Variants in NFIX observed in about 807,000 individuals in gnomAD.
The protein encoded by NFIX is nuclear factor 1 X-type.
Under a neutral mutation model 53.3 loss-of-function variants are expected in NFIX, and 2 were observed. The ratio of observed to expected loss-of-function variants is 0.04; its 90% CI spans 0.02 to 0.12. The LOEUF is 0.12. Ranked by LOEUF, NFIX falls within the 10% of genes least tolerant of loss-of-function variation. The pLI, the probability that NFIX is intolerant of heterozygous loss-of-function variation, is 1.00. For synonymous variants in NFIX, 244 were observed against 289.0 expected, an observed-to-expected ratio of 0.84 and a Z score of 1.58; for missense variants, 310 against 674.5, an observed-to-expected ratio of 0.46 and a Z score of 5.99.
At chr19:13,024,124 A>C in intron 1 of NFIX, 5 of 896,740 alleles carry the variant, frequency 5.6e-6, no homozygotes, top group South Asian at 1.6e-5. Flanking sequence ...AAAAAAAAAA[A>C]AAAAAACCAA....
Position 13,068,110 on chromosome 19 carries a change from AAAAAC to A in NFIX, c.560-4932_560-4928del, listed in dbSNP as rs1469905603. Among the ~76,000 whole-genome samples the A allele has an allele frequency of 2.0e-5, 3 of 151,936 alleles. No individual in the cohort carries two copies. Among genetic ancestry groups the A allele is most frequent in the Admixed American group, 6.5e-5 (1 of 15,268 alleles). On this transcript the variant is annotated intron_variant, in intron 2 of 10. Transcript: ENST00000592199. This position sits in a 1 kb window ranked among gnomAD's most constrained non-coding sequence, Gnocchi z 4.2. Reference sequence around the variant, plus strand: ...ACAGAGCAAGACTCCATCTCAAAAAAAAAACAAAAACAAAAACAAAAAACAAAAAC... The same window carrying A: ...ACAGAGCAAGACTCCATCTCAAAAAAAAAAACAAAAACAAAAAACAAAAAC...
intron 10 of NFIX, among the ~76,000 whole-genome samples, chr19:13,091,258 C>T (rs1293895993): frequency 6.6e-6 from 1 of 152,150 alleles, no homozygotes; most frequent in Non-Finnish European, 1.5e-5. Context: ...GGGAAATCCA[C>T]CTCTCTCAAG....
chr19:13,068,485 TCCAGAGG>T lies in NFIX; in HGVS notation c.560-4561_560-4555del, dbSNP rs2016567802. Reference sequence around the variant, plus strand: ...TTTTGCAGGAGAACTTTGTGGCTGTTCCAGAGGTTACTGAGGGGCCCCCAAGGAAGAG... The same window carrying T: ...TTTTGCAGGAGAACTTTGTGGCTGTTTTACTGAGGGGCCCCCAAGGAAGAG... On this transcript the variant is annotated intron_variant, in intron 2 of 10. Transcript: ENST00000592199. This position sits in a 1 kb window ranked among gnomAD's most constrained non-coding sequence, Gnocchi z 4.2. Among the ~76,000 whole-genome samples, 1 of 152,146 alleles carries T rather than the reference TCCAGAGG, an allele frequency of 6.6e-6. No individual in the cohort carries two copies. The highest frequency in any genetic ancestry group is 6.5e-5 in the Admixed American group (1 of 15,282).
At chr19:13,048,390 C>G (rs1312204149) in intron 2 of NFIX, among the ~76,000 whole-genome samples, 1 of 152,186 alleles carries the variant, frequency 6.6e-6, no homozygotes, top group Non-Finnish European at 1.5e-5. Context: ...CCCTCACAAC[C>G]AGACTAACCA....
chr19:13,063,731 C>T (rs779902639), intron 2 of NFIX, among the ~76,000 whole-genome samples: 4 of 152,166 alleles, frequency 2.6e-5, no homozygotes, highest in East Asian at 1.9e-4. Context: ...TCTCGCATCC[C>T]TCCTCCAAAC....
chr19:13,070,599 CAG>C lies in NFIX; in HGVS notation c.560-2447_560-2446del, dbSNP rs371474167. The C allele has an allele frequency of 3.3e-5, 5 of 152,568 alleles. No individual in the cohort carries two copies. The South Asian group carries it at 6.2e-4, about 19-fold the overall frequency. 9.5% of individuals were successfully genotyped at this position (152,568 alleles called of 1,614,324 possible). Reference sequence around the variant, plus strand: ...TGTCCTGGAGCTGAGCTGAGCATGTCAGGGGCCGGCGGTCGCGGCATTGTGGG... The same window carrying C: ...TGTCCTGGAGCTGAGCTGAGCATGTCGGGCCGGCGGTCGCGGCATTGTGGG... On this transcript the variant is annotated intron_variant, in intron 2 of 10. Transcript: ENST00000592199.
At position 12,996,607 on chromosome 19, in the gene NFIX, A is replaced by G. The variant is rs1791612256; in HGVS notation, c.27+743A>G. On this transcript the variant is annotated intron_variant, in intron 1 of 10. Transcript: ENST00000592199. The surrounding 1 kb of genome is among the most constrained non-coding windows in gnomAD (Gnocchi z 5.2). Reference sequence around the variant, plus strand: ...CGCAGCCTCTGCCCCCCCACCCCCAAACTTTCCTCGGCGCAAACTTTCTGG... The same window carrying G: ...CGCAGCCTCTGCCCCCCCACCCCCAGACTTTCCTCGGCGCAAACTTTCTGG... 1.3e-5 allele frequency among the ~76,000 whole-genome samples: 2 copies of G among 152,058 alleles called. No homozygotes were observed. The highest frequency in any genetic ancestry group is 4.8e-5 in the African/African-American group (2 of 41,432).
In NFIX at chr19:13,090,372, C is replaced by T. The variant is rs762074691; in HGVS notation, c.1476C>T (p.Asn492=). ...SIGPRDGNFL[N]IPQQSQSWFL ...GACCCCGGGACGGCAACTTTCTGAA[C>T]ATCCCACAGCAGTCTCAGGTAGGAG... Residue 492 remains asparagine (N), a synonymous_variant, in exon 10 of 11, where the codon AAC becomes AAT. Transcript: ENST00000592199. The surrounding 1 kb of genome is among the most constrained non-coding windows in gnomAD (Gnocchi z 6.6). 8 of 1,613,922 alleles carry T rather than the reference C, an allele frequency of 5.0e-6. No homozygotes were observed. Among genetic ancestry groups the T allele is most frequent in the Non-Finnish European group, 8.5e-7 (1 of 1,179,866 alleles).
At position 13,066,572 on chromosome 19, in the gene NFIX, G is replaced by A. The variant is rs924258619; in HGVS notation, c.560-6475G>A. 3.9e-5 allele frequency among the ~76,000 whole-genome samples: 6 copies of A among 152,162 alleles called. No individual in the cohort carries two copies. Among genetic ancestry groups the A allele is most frequent in the Admixed American group, 3.3e-4 (5 of 15,274 alleles). On this transcript the variant is annotated intron_variant, in intron 2 of 10. Transcript: ENST00000592199. This position sits in a 1 kb window ranked among gnomAD's most constrained non-coding sequence, Gnocchi z 4.2. ...AGGGAATGAGGAAAGGGGAGAGGAC[G>A]ATAATGGGGTGACATGTTCCCCTGT...
chr19:13,015,384 C>T (rs1317865217), intron 1 of NFIX, among the ~76,000 whole-genome samples: 2 of 152,116 alleles, frequency 1.3e-5, no homozygotes, highest in Non-Finnish European at 2.9e-5. Flanking sequence ...TGCCTCCCTT[C>T]CTGAGGCAGC....
Position 13,037,551 on chromosome 19 carries a change from G to T in NFIX, c.559+11999G>T, listed in dbSNP as rs143225572. On this transcript the variant is annotated intron_variant, in intron 2 of 10. Coordinates refer to ENST00000592199, the MANE Select transcript of NFIX (RefSeq NM_001365902.3). This position sits in a 1 kb window ranked among gnomAD's most constrained non-coding sequence, Gnocchi z 4.2. ...TATGGGAGATTGCTTCATATAGGGT[G>T]GGGAAGAACTAGTCTTCATAGCCCT... 2.6e-5 allele frequency among the ~76,000 whole-genome samples: 4 copies of T among 152,134 alleles called. No homozygotes were observed. The highest frequency in any genetic ancestry group is 1.3e-4 in the Admixed American group (2 of 15,276).
intron 1 of NFIX, among the ~76,000 whole-genome samples, chr19:13,004,165 A>C (rs902807915): frequency 6.6e-6 from 1 of 151,938 alleles, no homozygotes; most frequent in Non-Finnish European, 1.5e-5. Context: ...GAACCCCTCA[A>C]CCCTCGCCGA....
rs542523157 is a variant in NFIX, at chr19:13,079,222, G to T, written c.1078+487G>T. ...CTCCTAAGGAGCCCAGGCTCCTGCG[G>T]CAAGTAGCTACCTTGTCTGGGCCTC... On this transcript the variant is annotated intron_variant, in intron 7 of 10. Coordinates refer to ENST00000592199, the MANE Select transcript of NFIX (RefSeq NM_001365902.3). Among the ~76,000 whole-genome samples the T allele has an allele frequency of 1.6e-3, 250 of 152,200 alleles. 1 individual carries two copies. The highest frequency in any genetic ancestry group is 3.2e-3 in the Admixed American group (49 of 15,298).
intron 1 of NFIX, among the ~76,000 whole-genome samples, chr19:12,999,982 G>A (rs924647346): frequency 3.3e-5 from 5 of 152,236 alleles, no homozygotes; most frequent in Non-Finnish European, 5.9e-5. Context: ...CTGGGGCTCC[G>A]TGAGATGTTT....
Position 13,028,975 on chromosome 19 carries a change from C to T in NFIX, c.559+3423C>T, listed in dbSNP as rs995995859. On this transcript the variant is annotated intron_variant, in intron 2 of 10. Coordinates refer to ENST00000592199, the MANE Select transcript of NFIX (RefSeq NM_001365902.3). This position sits in a 1 kb window ranked among gnomAD's most constrained non-coding sequence, Gnocchi z 4.2. ...ATCCAAAGCTAACAAAATACTTGAGCGAATGGAACTGTCAGCGTCACCCTG... is the reference window on the plus strand; with the variant it reads ...ATCCAAAGCTAACAAAATACTTGAGTGAATGGAACTGTCAGCGTCACCCTG... Among the ~76,000 whole-genome samples, 1 of 152,174 alleles carries T rather than the reference C, an allele frequency of 6.6e-6. No homozygotes were observed. The highest frequency in any genetic ancestry group is 2.4e-5 in the African/African-American group (1 of 41,450).
Position 13,051,818 on chromosome 19 carries a change from C to T in NFIX, c.560-21229C>T, listed in dbSNP as rs2015342118. On this transcript the variant is annotated intron_variant, in intron 2 of 10. Transcript: ENST00000592199. The surrounding 1 kb of genome is among the most constrained non-coding windows in gnomAD (Gnocchi z 5.1). ...ACAGGCCCCAGGGGTTAAAGAAACACAACCCGCCGCTGCCGCCTTAGCAGG... is the reference window on the plus strand; with the variant it reads ...ACAGGCCCCAGGGGTTAAAGAAACATAACCCGCCGCTGCCGCCTTAGCAGG... 6.6e-6 allele frequency among the ~76,000 whole-genome samples: 1 copy of T among 152,230 alleles called. No individual in the cohort carries two copies. Among genetic ancestry groups the T allele is most frequent in the Admixed American group, 6.5e-5 (1 of 15,292 alleles).
intron 1 of NFIX, among the ~76,000 whole-genome samples, chr19:13,003,662 C>A (rs2011850135): frequency 6.6e-6 from 1 of 151,882 alleles, no homozygotes; most frequent in African/African-American, 2.4e-5. Context: ...TTTTTAGAGA[C>A]AGACTGTCAT....
rs2017481607 is a variant in NFIX at position 13,081,740 on chromosome 19, C to T, written c.1139C>T (p.Ser380Leu). The change falls in exon 8 of 11, where the codon TCG becomes TTG. Residue 380 changes from serine (S) to leucine (L), a missense_variant. Ser to Leu is a moderately radical substitution (Grantham distance 145, BLOSUM62 -2). Around this residue, in one of 5 missense-constraint regions of NFIX, gnomAD observed 35 missense variants for 114.8 expected, o/e 0.30. Coordinates refer to ENST00000592199, the MANE Select transcript of NFIX (RefSeq NM_001365902.3). This position sits in a 1 kb window ranked among gnomAD's most constrained non-coding sequence, Gnocchi z 4.7. ...CCCTCCACGTCCATCATCCAGCAGT[C>T]GAGCCCGTATTTCACGCACCCGACC... The part of the protein sequence containing the change: ...HFPSTSIIQQ[S>L]SPYFTHPTIR... The T allele has an allele frequency of 6.2e-7, 1 of 1,613,942 alleles. No homozygotes were observed. The highest frequency in any genetic ancestry group is 8.5e-7 in the Non-Finnish European group (1 of 1,179,894).
At chr19:13,039,245 C>CGT (rs1555698318) in intron 2 of NFIX, among the ~76,000 whole-genome samples, 5,914 of 148,294 alleles carry the variant, frequency 0.04, 387 homozygotes, top group African/African-American at 0.12. Context: ...CACACATACA[C>CGT]GTGTGTGTGT....
Sources: allele counts gnomAD v4.1 joint callset (sites outside exome capture counted in the v4.1 genomes callset), GRCh38; gene constraint gnomAD v4.1.1; regional missense constraint gnomAD v4.1.1; non-coding constraint Gnocchi (gnomAD v3.1); transcripts MANE v1.5; gene names NCBI Gene and HGNC (gene_info 2026-07-23, HGNC 2026-07-21).